Variants in ESCO1 observed in about 807,000 individuals in gnomAD.
The protein encoded by ESCO1 is N-acetyltransferase ESCO1.
A neutral mutation model predicts 83.5 loss-of-function variants in ESCO1; 33 were observed. That is an observed-to-expected ratio of 0.40 (90% CI 0.30 to 0.53). ESCO1 has a LOEUF of 0.53. Ranked by LOEUF, ESCO1 falls within the 20% of genes least tolerant of loss-of-function variation. The probability of loss-of-function intolerance (pLI) is 0.63; values close to 1 mark genes in which losing one functional copy is unlikely to be tolerated. For missense variants in ESCO1, 855 were observed against 968.0 expected, an observed-to-expected ratio of 0.88 and a Z score of 1.55; for synonymous variants, 332 against 324.3, an observed-to-expected ratio of 1.02 and a Z score of -0.25.
At chr18:21,581,093 C>G (rs548899893) in intron 2 of ESCO1, among the ~76,000 whole-genome samples, 6 of 152,018 alleles carry the variant, frequency 3.9e-5, no homozygotes, top group African/African-American at 1.5e-4. Flanking sequence ...GGGCTCATCA[C>G]GAGGTCAGGA....
chr18:21,530,292 A>C lies in ESCO1; in HGVS notation c.*51T>G. The C allele has an allele frequency of 4.2e-6, 6 of 1,444,930 alleles. No homozygotes were observed. Among genetic ancestry groups the C allele is most frequent in the Non-Finnish European group, 4.6e-6 (5 of 1,092,618 alleles). The allele number at this position is 1,444,930 out of a possible 1,614,324, so 89.5% of individuals were successfully genotyped here. A position where few individuals can be genotyped will look rare whatever the true frequency, so the allele number is the denominator to read the frequency against. On this transcript the variant is annotated 3_prime_UTR_variant, in exon 12 of 12. Transcript: ENST00000269214. ...TAGTTCCTGGTTAAAGTCAGCAACCAATCCATTCTCTTCAATAGATGTCTT... is the reference window on the plus strand; with the variant it reads ...TAGTTCCTGGTTAAAGTCAGCAACCCATCCATTCTCTTCAATAGATGTCTT...
Position 21,574,474 on chromosome 18 carries a change from T to C in ESCO1, c.370A>G (p.Arg124Gly). Reference sequence around the variant, plus strand: ...GAAACCTCTGTTAATTGTTGTAGCCTTTGTGATCTCCGGTTAAGCTGTTCA... The same window carrying C: ...GAAACCTCTGTTAATTGTTGTAGCCCTTGTGATCTCCGGTTAAGCTGTTCA... ...ANEQLNRRSQ[R>G]LQQLTEVSRR... Residue 124 changes from arginine to glycine, a missense_variant, in exon 4 of 12, where the codon AGG becomes GGG. Physicochemically the swap from Arg to Gly is moderately radical, Grantham distance 125 (BLOSUM62 -2). Around this residue, in one of 2 missense-constraint regions of ESCO1, gnomAD observed 726 missense variants for 699.5 expected, o/e 1.04. Transcript: ENST00000269214. 1 of 1,614,162 alleles carries C rather than the reference T, an allele frequency of 6.2e-7. No homozygotes were observed. The highest frequency in any genetic ancestry group is 1.1e-5 in the South Asian group (1 of 91,076).
In ESCO1 at chr18:21,548,827, C is replaced by T. The variant is rs920345146; in HGVS notation, c.1954-8818G>A. On this transcript the variant is annotated intron_variant, in intron 8 of 11. Coordinates refer to ENST00000269214, the MANE Select transcript of ESCO1 (RefSeq NM_052911.3). The stretch of plus-strand genomic sequence containing the variant: ...TGGTGACACATGCTTGTAGTCCCAG[C>T]TACTTGGGAGACTCAGGCAGGAGGA... 9.9e-5 allele frequency among the ~76,000 whole-genome samples: 15 copies of T among 151,814 alleles called. 1 individual carries two copies. The highest frequency in any genetic ancestry group is 3.6e-4 in the African/African-American group (15 of 41,310).
At chr18:21,551,438 GA>G (rs377438956) in intron 8 of ESCO1, among the ~76,000 whole-genome samples, 83 of 147,490 alleles carry the variant, frequency 5.6e-4, no homozygotes, top group Middle Eastern at 3.4e-3. Flanking sequence ...CTCAAAAAAA[GA>G]AAAAAAAAAG....
At chr18:21,554,233 C>T (rs1449373002) in intron 8 of ESCO1, among the ~76,000 whole-genome samples, 2 of 152,188 alleles carry the variant, frequency 1.3e-5, no homozygotes, top group African/African-American at 4.8e-5. Context: ...TAGAGTCTGG[C>T]AGTTTCTTAC....
chr18:21,577,631 G>C (rs1453087336), intron 2 of ESCO1, among the ~76,000 whole-genome samples: 4 of 146,316 alleles, frequency 2.7e-5, no homozygotes, highest in Admixed American at 6.9e-5. Flanking sequence ...CTGCACTCTA[G>C]CCTGGCCGAC....
At chr18:21,586,738 T>C (rs903842996) in intron 1 of ESCO1, among the ~76,000 whole-genome samples, 1 of 152,200 alleles carries the variant, frequency 6.6e-6, no homozygotes, top group Non-Finnish European at 1.5e-5. Flanking sequence ...CTTTTATTTC[T>C]TTCCCTTTTG....
rs534465785 is a variant in ESCO1 at position 21,543,375 on chromosome 18, T to G, written c.1954-3366A>C. Among the ~76,000 whole-genome samples the G allele has an allele frequency of 1.0e-3, 155 of 152,200 alleles. 1 individual carries two copies. Among genetic ancestry groups the G allele is most frequent in the Non-Finnish European group, 6.5e-4 (44 of 67,996 alleles). On this transcript the variant is annotated intron_variant, in intron 8 of 11. Coordinates refer to ENST00000269214, the MANE Select transcript of ESCO1 (RefSeq NM_052911.3). ...GTTTCTCCATGTTGGTCAGGCTGGT[T>G]TCGAACTCCCGACCTCAGGTGATCC...
At chr18:21,577,129 C>T (rs1027296794) in intron 2 of ESCO1, among the ~76,000 whole-genome samples, 7 of 151,684 alleles carry the variant, frequency 4.6e-5, no homozygotes, top group East Asian at 1.9e-4. Context: ...TCGAGGCAGG[C>T]GAATCACTTG....
intron 9 of ESCO1, among the ~76,000 whole-genome samples, chr18:21,537,507 C>T (rs929891044): frequency 6.6e-6 from 1 of 152,126 alleles, no homozygotes; most frequent in African/African-American, 2.4e-5. Context: ...TGCACTCCAG[C>T]CTGGGTGACA....
chr18:21,550,878 C>A (rs1289662017), intron 8 of ESCO1, among the ~76,000 whole-genome samples: 1 of 151,784 alleles, frequency 6.6e-6, no homozygotes, highest in Admixed American at 6.6e-5. Context: ...TTTCGGAGGC[C>A]GAGATGGGCG....
intron 8 of ESCO1, among the ~76,000 whole-genome samples, chr18:21,549,425 T>G (rs2038016579): frequency 6.6e-6 from 1 of 152,140 alleles, no homozygotes; most frequent in Admixed American, 6.5e-5. Flanking sequence ...TTCCTTGTTT[T>G]TTTTTTGGAG....
At chr18:21,596,977 T>G (rs1019110974) in intron 1 of ESCO1, 5 of 152,216 alleles carry the variant, frequency 3.3e-5, no homozygotes, top group Non-Finnish European at 7.3e-5. Context: ...GCTCAAAATG[T>G]GATATGGGGA....
At chr18:21,588,831 C>T (rs1598479364) in intron 1 of ESCO1, among the ~76,000 whole-genome samples, 3 of 152,018 alleles carry the variant, frequency 2.0e-5, no homozygotes, top group Admixed American at 6.6e-5. Context: ...CGGGAGACTG[C>T]AGTGAGCCTT....
chr18:21,565,281 C>A (rs912011595), intron 6 of ESCO1, among the ~76,000 whole-genome samples: 11 of 152,076 alleles, frequency 7.2e-5, no homozygotes, highest in Admixed American at 3.3e-4. Flanking sequence ...TGTTGTTAAT[C>A]CAAAAGGCAA....
chr18:21,583,845 G>A (rs1346467273), intron 2 of ESCO1, among the ~76,000 whole-genome samples: 1 of 152,154 alleles, frequency 6.6e-6, no homozygotes, highest in African/African-American at 2.4e-5. Flanking sequence ...AATTTTAAGA[G>A]AGTACAGTTT....
intron 4 of ESCO1, among the ~76,000 whole-genome samples, chr18:21,572,225 T>C (rs1191042498): frequency 6.6e-6 from 1 of 152,210 alleles, no homozygotes; most frequent in Non-Finnish European, 1.5e-5. Flanking sequence ...TAAATCACAT[T>C]CCACTCCAAG....
chr18:21,571,221 T>G (rs563074240), intron 4 of ESCO1, among the ~76,000 whole-genome samples: 1 of 152,086 alleles, frequency 6.6e-6, no homozygotes, highest in East Asian at 1.9e-4. Context: ...AGACTTTCAC[T>G]CTGTCACCCA....
Position 21,587,428 on chromosome 18 carries a change from T to C in ESCO1, c.-824-2988A>G, listed in dbSNP as rs113218824. 1.4e-4 allele frequency among the ~76,000 whole-genome samples: 22 copies of C among 152,344 alleles called. 1 individual carries two copies. Among genetic ancestry groups the C allele is most frequent in the African/African-American group, 4.8e-4 (20 of 41,586 alleles). The stretch of plus-strand genomic sequence containing the variant: ...TGGAGGTATTTTTATTCAATCTCTT[T>C]GTTATAGGTCTATTCAGATTTTCTA... On this transcript the variant is annotated intron_variant, in intron 1 of 11. Transcript: ENST00000269214.
Sources: allele counts gnomAD v4.1 joint callset (sites outside exome capture counted in the v4.1 genomes callset), GRCh38; gene constraint gnomAD v4.1.1; regional missense constraint gnomAD v4.1.1; transcripts MANE v1.5; gene names NCBI Gene and HGNC (gene_info 2026-07-23, HGNC 2026-07-21).